Variants in ZNF875 observed in about 807,000 individuals in gnomAD.
The protein encoded by ZNF875 is HKR1, GLI-Kruppel zinc finger family member.
ZNF875 carries 14 observed loss-of-function variants against 11.2 expected under a neutral mutation model. The observed-to-expected ratio is 1.26, with a 90% CI of 0.83 to 1.96. ZNF875 has a LOEUF of 1.96. ZNF875 is among the 30% of genes most tolerant of loss of function. The pLI, the probability that ZNF875 is intolerant of heterozygous loss-of-function variation, is 0.00. For synonymous variants in ZNF875, 301 were observed against 281.1 expected, an observed-to-expected ratio of 1.07 and a Z score of -0.71; for missense variants, 752 against 760.4, an observed-to-expected ratio of 0.99 and a Z score of 0.13.
At chr19:37,350,255 G>C (rs2037615615) in intron 4 of ZNF875, among the ~76,000 whole-genome samples, 1 of 151,508 alleles carries the variant, frequency 6.6e-6, no homozygotes, top group Non-Finnish European at 1.5e-5. Flanking sequence ...GGGACTACAT[G>C]CATGCCACCA....
At chr19:37,343,286 T>C (rs985801257) in intron 2 of ZNF875, among the ~76,000 whole-genome samples, 12 of 150,048 alleles carry the variant, frequency 8.0e-5, no homozygotes, top group Non-Finnish European at 1.3e-4. Flanking sequence ...GAGGTTGCAG[T>C]GAGCCGAGAC....
In ZNF875 at chr19:37,363,525, G is replaced by T. The variant is rs774237721; in HGVS notation, c.1673G>T (p.Gly558Val). The change falls in exon 5 of 5, where the codon GGT becomes GTT. Residue 558 changes from glycine (G) to valine (V), a missense_variant. Coordinates refer to ENST00000392153, the MANE Select transcript of ZNF875 (RefSeq NM_001353803.2). ...TTTAGGCACAAGAGGGCACACTCAG[G>T]TGCCTTTGTGTGCAGGGAGTGTGGG... is the stretch of plus-strand genomic sequence containing the variant. Reference protein sequence around the residue: ...NLFRHKRAHSGAFVCRECGQG... With the variant: ...NLFRHKRAHSVAFVCRECGQG... 6.2e-7 allele frequency: 1 copy of T among 1,612,938 alleles called. No homozygotes were observed. The highest frequency in any genetic ancestry group is 1.1e-5 in the South Asian group (1 of 90,986).
intron 4 of ZNF875, 138 bp from the exon 5 acceptor site, chr19:37,361,971 G>T: frequency 1.6e-6 from 1 of 625,326 alleles, no homozygotes; most frequent in Non-Finnish European, 2.9e-6. Flanking sequence ...ATGAAAAATA[G>T]ATGCTGGGAA....
chr19:37,344,828 G>C (rs755338258), intron 2 of ZNF875: 3 of 1,130,902 alleles, frequency 2.7e-6, no homozygotes, highest in Non-Finnish European at 4.1e-6. Context: ...TAGCTCCTTC[G>C]TGGGAGATTT....
chr19:37,336,849 A>G (rs1430481105), intron 2 of ZNF875, among the ~76,000 whole-genome samples: 1 of 151,962 alleles, frequency 6.6e-6, no homozygotes, highest in Non-Finnish European at 1.5e-5. Context: ...CGGGGGTTGC[A>G]GTGAGCTGAG....
chr19:37,364,055 G>C lies in ZNF875; in HGVS notation c.*280G>C. On this transcript the variant is annotated 3_prime_UTR_variant, in exon 5 of 5. Coordinates refer to ENST00000392153, the MANE Select transcript of ZNF875 (RefSeq NM_001353803.2). ...CAGGTAATGATAGTGGCAGGAGGCAGTCAAATGCCCAGGCAGATAGGGGTG... is the reference window on the plus strand; with the variant it reads ...CAGGTAATGATAGTGGCAGGAGGCACTCAAATGCCCAGGCAGATAGGGGTG... 2.5e-6 allele frequency: 1 copy of C among 398,876 alleles called. No individual in the cohort carries two copies. The highest frequency in any genetic ancestry group is 4.5e-6 in the Non-Finnish European group (1 of 221,258). 24.7% of individuals were successfully genotyped at this position (398,876 alleles called of 1,614,324 possible).
intron 4 of ZNF875, among the ~76,000 whole-genome samples, chr19:37,353,904 C>CT (rs765720365): frequency 1.4e-4 from 22 of 152,072 alleles, no homozygotes; most frequent in East Asian, 1.9e-4. Flanking sequence ...TCTTGGCTCT[C>CT]TAAGTTTTAT....
chr19:37,347,558 G>T, intron 3 of ZNF875: 1 of 609,144 alleles, frequency 1.6e-6, no homozygotes, highest in Non-Finnish European at 2.9e-6. Flanking sequence ...TCTTTATTTT[G>T]CTTCAAACCC....
chr19:37,348,740 G>A (rs1300126584), intron 4 of ZNF875, among the ~76,000 whole-genome samples: 1 of 152,058 alleles, frequency 6.6e-6, no homozygotes, highest in African/African-American at 2.4e-5. Flanking sequence ...ATGTTGCTGT[G>A]AACCTTCTCA....
At chr19:37,336,297 A>ATTTT (rs34434733) in intron 2 of ZNF875, among the ~76,000 whole-genome samples, 2 of 124,352 alleles carry the variant, frequency 1.6e-5, no homozygotes, top group Non-Finnish European at 1.6e-5. Context: ...TTAAGATTGA[A>ATTTT]TTTTTTTTTT....
chr19:37,340,434 T>G (rs2035457938), intron 2 of ZNF875, among the ~76,000 whole-genome samples: 1 of 152,202 alleles, frequency 6.6e-6, no homozygotes, highest in Non-Finnish European at 1.5e-5. Flanking sequence ...CATGGTCCTT[T>G]GCCACCCACT....
chr19:37,325,509 C>T (rs879009384), intron 4 of ZNF875, among the ~76,000 whole-genome samples: 2 of 151,780 alleles, frequency 1.3e-5, no homozygotes, highest in African/African-American at 2.4e-5. Context: ...AATATCACTT[C>T]AACATCTTAT....
intron 1 of ZNF875, among the ~76,000 whole-genome samples, chr19:37,320,682 C>G (rs995956662): frequency 6.6e-6 from 1 of 152,186 alleles, no homozygotes; most frequent in Non-Finnish European, 1.5e-5. Context: ...GAGGCTTGTT[C>G]CTTCACATCT....
intron 4 of ZNF875, among the ~76,000 whole-genome samples, chr19:37,355,468 G>A (rs1400193391): frequency 2.6e-5 from 4 of 152,144 alleles, no homozygotes; most frequent in East Asian, 3.8e-4. Flanking sequence ...GATTACAGGC[G>A]TGAGCCACCA....
chr19:37,332,499 G>C (rs1432752920), upstream of ZNF875, among the ~76,000 whole-genome samples: 1 of 152,116 alleles, frequency 6.6e-6, no homozygotes, highest in African/African-American at 2.4e-5. Flanking sequence ...TTACAGGCGT[G>C]AGCCACCATG....
At chr19:37,318,787 C>T (rs1413148114) in intron 1 of ZNF875, among the ~76,000 whole-genome samples, 1 of 152,082 alleles carries the variant, frequency 6.6e-6, no homozygotes, top group Non-Finnish European at 1.5e-5. Context: ...TCCCAAAGTG[C>T]AGGGATTACA....
intron 4 of ZNF875, 92 bp from the exon 5 acceptor site, chr19:37,362,017 A>T (rs2040021113): frequency 5.4e-6 from 4 of 743,352 alleles, no homozygotes; most frequent in Non-Finnish European, 9.3e-6. Context: ...TGATGTAAAT[A>T]TGTAAATATA....
intron 2 of ZNF875, among the ~76,000 whole-genome samples, chr19:37,336,865 A>G (rs894651907): frequency 6.6e-6 from 1 of 151,900 alleles, no homozygotes; most frequent in African/African-American, 2.4e-5. Flanking sequence ...CTGAGATCGC[A>G]CCACTGCACT....
At chr19:37,335,378 G>A in intron 2 of ZNF875, 121 bp downstream of exon 2, 1 of 582,290 alleles carries the variant, frequency 1.7e-6, no homozygotes, top group Non-Finnish European at 3.1e-6. Flanking sequence ...GTCATTCCTA[G>A]TCCATAGAAC....
Sources: gnomAD v4.1 joint callset for allele counts (sites outside exome capture counted in the v4.1 genomes callset) on GRCh38, gnomAD v4.1.1 for gene constraint, MANE v1.5 for transcripts, NCBI Gene and HGNC (gene_info 2026-07-23, HGNC 2026-07-21) for gene names.